CEP162: variants seen among roughly 807,000 people sequenced by gnomAD.
The protein encoded by CEP162 is centrosomal protein 162, also known as centrosomal protein of 162 kDa.
A neutral mutation model predicts 169.2 loss-of-function variants in CEP162; 141 were observed. That is an observed-to-expected ratio of 0.83 (90% confidence interval 0.73 to 0.96). The LOEUF is 0.96. Among genes scored for constraint, CEP162 ranks in the 40% least tolerant of loss-of-function variants. The probability of loss-of-function intolerance (pLI) is 0.00; values close to 1 mark genes in which losing one functional copy is unlikely to be tolerated. For missense variants in CEP162, 1,600 were observed against 1,587.2 expected, an observed-to-expected ratio of 1.01 and a Z score of -0.14; for synonymous variants, 540 against 526.4, an observed-to-expected ratio of 1.03 and a Z score of -0.35.
At chr6:84,207,667 G>A (rs189944401) in intron 6 of CEP162, among the ~76,000 whole-genome samples, 1 of 151,832 alleles carries the variant, frequency 6.6e-6, no homozygotes, top group Admixed American at 6.6e-5. Flanking sequence ...GTATACATAT[G>A]TAACAAACCT....
At chr6:84,192,372 A>G (rs1413677251) in intron 11 of CEP162, among the ~76,000 whole-genome samples, 1 of 152,224 alleles carries the variant, frequency 6.6e-6, no homozygotes, top group Non-Finnish European at 1.5e-5. Context: ...ATAACAACAA[A>G]GATATAAGAT....
At chr6:84,202,353 A>G (rs1319381386) in intron 7 of CEP162, among the ~76,000 whole-genome samples, 2 of 152,040 alleles carry the variant, frequency 1.3e-5, no homozygotes, top group African/African-American at 2.4e-5. Flanking sequence ...GGACCTTCCA[A>G]TAACAGAGCT....
intron 22 of CEP162, among the ~76,000 whole-genome samples, chr6:84,154,755 AT>A (rs923945566): frequency 6.6e-5 from 10 of 152,110 alleles, no homozygotes; most frequent in African/African-American, 1.2e-4. Flanking sequence ...TGTCTACAAA[AT>A]TTTTTTTAAA....
At chr6:84,193,778 C>G in intron 10 of CEP162, 88 bp from the exon 11 acceptor site, 1 of 687,980 alleles carries the variant, frequency 1.5e-6, no homozygotes, top group Non-Finnish European at 2.4e-6. Flanking sequence ...TATATTTTCT[C>G]TGACACAGTT....
chr6:84,181,940 T>C (rs987658605), intron 13 of CEP162, among the ~76,000 whole-genome samples: 6 of 152,080 alleles, frequency 3.9e-5, no homozygotes, highest in Non-Finnish European at 7.4e-5. Context: ...GTTATGGCAA[T>C]CTTTGAGTGT....
Position 84,125,051 on chromosome 6 carries a change from T to C in CEP162, c.*19A>G. ...TCTTCAGGCCTTTTAATAAGGTCAT[T>C]ATGAAATCTGAATTTCTATTAATAC... On this transcript the variant is annotated 3_prime_UTR_variant, in exon 27 of 27. Transcript: ENST00000403245. 2 of 1,587,180 alleles carry C rather than the reference T, an allele frequency of 1.3e-6. No homozygotes were observed. The highest frequency in any genetic ancestry group is 8.6e-7 in the Non-Finnish European group (1 of 1,157,782).
chr6:84,189,833 T>C (rs1441055184), intron 11 of CEP162, among the ~76,000 whole-genome samples: 1 of 152,254 alleles, frequency 6.6e-6, no homozygotes, highest in Non-Finnish European at 1.5e-5. Flanking sequence ...GCTGGGCTCC[T>C]GAGTCTGGTG....
At chr6:84,172,051 A>T (rs1037683948) in intron 16 of CEP162, among the ~76,000 whole-genome samples, 17 of 152,064 alleles carry the variant, frequency 1.1e-4, no homozygotes, top group African/African-American at 3.6e-4. Context: ...GACTGTGTGG[A>T]CCCGGGTGGA....
At chr6:84,129,209 T>G (rs2099510200) in intron 25 of CEP162, among the ~76,000 whole-genome samples, 1 of 152,208 alleles carries the variant, frequency 6.6e-6, no homozygotes, top group Non-Finnish European at 1.5e-5. Context: ...ATATACCCAG[T>G]AATGGGATGG....
intron 6 of CEP162, among the ~76,000 whole-genome samples, chr6:84,212,280 C>T (rs1055811191): frequency 3.9e-5 from 6 of 151,994 alleles, no homozygotes; most frequent in Admixed American, 2.6e-4. Flanking sequence ...CACATTTTTA[C>T]ATAAATATCT....
chr6:84,155,455 A>G lies in CEP162; in HGVS notation c.2837T>C (p.Leu946Ser). 1.2e-6 allele frequency: 2 copies of G among 1,613,326 alleles called. No individual in the cohort carries two copies. The highest frequency in any genetic ancestry group is 2.2e-5 in the East Asian group (1 of 44,858). The change falls in exon 22 of 27, where the codon TTA (leucine) becomes TCA (serine). Residue 946 changes from leucine (L) to serine (S), a missense_variant. Leu to Ser is a moderately radical substitution (Grantham distance 145). Transcript: ENST00000403245. ...KRRYPNSLPA[L>S]ILAASAAGDT... is the part of the protein sequence containing the mutation. ...ACCAGCTGCTGATGCAGCCAATATT[A>G]AAGCAGGTAAAGAATTGGGATATCT...
rs1206338781 is a variant in CEP162 at position 84,149,562 on chromosome 6, C to T, written c.3771G>A (p.Glu1257=). ...AAGATAAAACAGATTTGTCATCTAC[C>T]TCTTGAGTTGCTATTTTACGATTTA... ...AELNRKIATQ[E]VLIRHFQSQV... The change falls in exon 24 of 27, where the codon GAG becomes GAA. Residue 1257 remains glutamate (E), a splice_region_variant and synonymous_variant. Transcript: ENST00000403245. The T allele has an allele frequency of 1.9e-6, 3 of 1,587,194 alleles. No homozygotes were observed. The highest frequency in any genetic ancestry group is 1.7e-6 in the Non-Finnish European group (2 of 1,167,946).
At chr6:84,170,491 G>T (rs563820206) in intron 17 of CEP162, among the ~76,000 whole-genome samples, 2 of 150,506 alleles carry the variant, frequency 1.3e-5, no homozygotes, top group East Asian at 3.9e-4. Context: ...GGAGAAAGAG[G>T]ATATATATAT....
rs1215337972 is a variant in CEP162, at chr6:84,209,474, A to G, written c.571+3483T>C. 4.6e-5 allele frequency among the ~76,000 whole-genome samples: 7 copies of G among 151,804 alleles called. No homozygotes were observed. The South Asian group carries it at 1.5e-3, about 32-fold the overall frequency. ...ACTGCAACCTCTGCCTCCTGGGTCC[A>G]AGCAATTCTCCTGCCTCAGCCTCCT... On this transcript the variant is annotated intron_variant, in intron 6 of 26. Coordinates refer to ENST00000403245, the MANE Select transcript of CEP162 (RefSeq NM_014895.4).
chr6:84,201,656 G>T, intron 8 of CEP162, 81 bp downstream of exon 8: 1 of 681,260 alleles, frequency 1.5e-6, no homozygotes, highest in South Asian at 1.9e-5. Context: ...CACAGATAGT[G>T]ACTCATTCAG....
intron 6 of CEP162, among the ~76,000 whole-genome samples, chr6:84,207,877 A>T (rs6454357): frequency 1.3e-5 from 2 of 152,048 alleles, no homozygotes; most frequent in South Asian, 2.1e-4. Flanking sequence ...CTGCCCAAAG[A>T]ATCTTGAATT....
At position 84,215,826 on chromosome 6, in the gene CEP162, A is replaced by G. The variant is rs1230762331; in HGVS notation, c.269T>C (p.Leu90Pro). ...TAAGAGAGAGGTTCCACTGCTCTTA[A>G]GAAATTGAATCTTTTCAGCAGACTC... ...EEESAEKIQF[L>P]KSSGTSLLST... Residue 90 changes from leucine (L) to proline (P), a missense_variant, in exon 4 of 27, where the codon CTT becomes CCT. Physicochemically the swap from Leu to Pro is moderately conservative, Grantham distance 98. Coordinates refer to ENST00000403245, the MANE Select transcript of CEP162 (RefSeq NM_014895.4). 5 of 1,589,902 alleles carry G rather than the reference A, an allele frequency of 3.1e-6. No individual in the cohort carries two copies. The highest frequency in any genetic ancestry group is 2.3e-5 in the East Asian group (1 of 44,358).
chr6:84,226,045 G>T lies in CEP162; in HGVS notation c.57+292C>A, dbSNP rs1006563980. Among the ~76,000 whole-genome samples the T allele has an allele frequency of 2.7e-4, 40 of 147,462 alleles. 1 individual carries two copies. The East Asian group carries it at 5.5e-3, about 20-fold the overall frequency. On this transcript the variant is annotated intron_variant, in intron 2 of 26. Transcript: ENST00000403245. ...AAACCATGGTAAGGAGGAGTTGTTT[G>T]TTTTTTTTTTTCTACATGTGATGGG...
chr6:84,152,747 T>C lies in CEP162; in HGVS notation c.3427A>G (p.Ser1143Gly), dbSNP rs1271277304. The C allele has an allele frequency of 8.1e-6, 13 of 1,613,206 alleles. No individual in the cohort carries two copies. The East Asian group carries it at 2.9e-4, about 36-fold the overall frequency. Residue 1143 changes from serine to glycine, a missense_variant, in exon 23 of 27, where the codon AGT (serine) becomes GGT (glycine). Physicochemically the swap from Ser to Gly is moderately conservative, Grantham distance 56 (BLOSUM62 0). Coordinates refer to ENST00000403245, the MANE Select transcript of CEP162 (RefSeq NM_014895.4). ...GGGAAGGAGTTAGCATTTCCTTTACTTGAGTGCAAAACATCTTTCTTTGCC... is the reference window on the plus strand; with the variant it reads ...GGGAAGGAGTTAGCATTTCCTTTACCTGAGTGCAAAACATCTTTCTTTGCC... ...KRAKKDVLHS[S>G]KGNANSFPGT... is the part of the protein sequence containing the mutation.
Sources: gnomAD v4.1 joint callset for allele counts (sites outside exome capture counted in the v4.1 genomes callset) on GRCh38, gnomAD v4.1.1 for gene constraint, MANE v1.5 for transcripts, NCBI Gene and HGNC (gene_info 2026-07-23, HGNC 2026-07-21) for gene names.